Variants in PODXL2 observed in about 807,000 individuals in gnomAD.
PODXL2 encodes the protein podocalyxin like 2, also known as podocalyxin-like protein 2.
In PODXL2, 17 loss-of-function variants were observed where a neutral mutation model predicts 53.4. That is an observed-to-expected ratio of 0.32 (90% CI 0.22 to 0.48). The LOEUF (loss-of-function observed/expected upper bound fraction) is 0.48, where lower values mean the gene tolerates loss of function less well. Among genes scored for constraint, PODXL2 ranks in the 20% least tolerant of loss-of-function variants. The pLI, the probability that PODXL2 is intolerant of heterozygous loss-of-function variation, is 0.99. For synonymous variants in PODXL2, 311 were observed against 306.7 expected, an observed-to-expected ratio of 1.01 and a Z score of -0.15; for missense variants, 673 against 760.0, an observed-to-expected ratio of 0.89 and a Z score of 1.35.
intron 1 of PODXL2, among the ~76,000 whole-genome samples, chr3:127,635,494 C>G (rs949414793): frequency 6.6e-6 from 1 of 152,202 alleles, no homozygotes; most frequent in African/African-American, 2.4e-5. Context: ...CATTCAAACA[C>G]TACTCTGATC....
rs759960627 is a variant in PODXL2 at position 127,672,532 on chromosome 3, C to T, written c.*52C>T. On this transcript the variant is annotated 3_prime_UTR_variant, in exon 8 of 8. Transcript: ENST00000342480. The stretch of plus-strand genomic sequence containing the variant: ...GCCGCCAGGACCAAGCGAGGTGGAC[C>T]CCGAAACGGACGGCCCGGAGCCCGC... 9 of 1,225,926 alleles carry T rather than the reference C, an allele frequency of 7.3e-6. No individual in the cohort carries two copies. Among genetic ancestry groups the T allele is most frequent in the African/African-American group, 4.8e-5 (3 of 62,582 alleles). The allele number at this position is 1,225,926 out of a possible 1,614,324, so 75.9% of individuals were successfully genotyped here. A position where few individuals can be genotyped will look rare whatever the true frequency, so the allele number is the denominator to read the frequency against.
At position 127,672,327 on chromosome 3, in the gene PODXL2, C is replaced by T. The variant is rs1428692310; in HGVS notation, c.1665C>T (p.Asp555=). 7.7e-6 allele frequency: 12 copies of T among 1,550,048 alleles called. No homozygotes were observed. Among genetic ancestry groups the T allele is most frequent in the Admixed American group, 1.9e-5 (1 of 51,456 alleles). The change falls in exon 8 of 8, where the codon GAC becomes GAT. Residue 555 remains aspartate (D), a synonymous_variant. Transcript: ENST00000342480. The part of the protein sequence containing the change: ...ENGCHDNPTL[D]VASDSQSEMQ... ...GCTGCCACGACAACCCCACGCTGGA[C>T]GTGGCCAGCGACAGCCAGTCGGAGA...
At chr3:127,641,061 G>A (rs1445485694) in intron 2 of PODXL2, among the ~76,000 whole-genome samples, 1 of 151,956 alleles carries the variant, frequency 6.6e-6, no homozygotes, top group Non-Finnish European at 1.5e-5. Flanking sequence ...ACAGGCATGC[G>A]CCATCACACC....
rs1286342568 is a variant in PODXL2 at position 127,643,878 on chromosome 3, A to G, written c.349+4355A>G. 6.6e-5 allele frequency among the ~76,000 whole-genome samples: 10 copies of G among 152,132 alleles called. No individual in the cohort carries two copies. The East Asian group carries it at 1.5e-3, about 24-fold the overall frequency. ...GGTCTTGAACTCCTGGGCTCAAGCA[A>G]TCCACCTGCCTCAGCCTCCCAAAGT... On this transcript the variant is annotated intron_variant, in intron 2 of 7. Transcript: ENST00000342480.
intron 2 of PODXL2, among the ~76,000 whole-genome samples, chr3:127,647,461 T>C (rs1287629666): frequency 6.6e-6 from 1 of 152,192 alleles, no homozygotes; most frequent in Non-Finnish European, 1.5e-5. Context: ...AGTGAGCAAA[T>C]TAAAGTGTTC....
In PODXL2 at chr3:127,639,889, T is replaced by A. The variant is rs890614078; in HGVS notation, c.349+366T>A. Among the ~76,000 whole-genome samples the A allele has an allele frequency of 1.2e-4, 18 of 152,348 alleles. 1 individual carries two copies. In the South Asian group the frequency reaches 1.4e-3, roughly 12 times the overall value. Reference sequence around the variant, plus strand: ...AAACAGCAGCTCAGATGCTCAGTCATGATTCAGACCTATGGCTTTCCAAGC... The same window carrying A: ...AAACAGCAGCTCAGATGCTCAGTCAAGATTCAGACCTATGGCTTTCCAAGC... On this transcript the variant is annotated intron_variant, in intron 2 of 7. Transcript: ENST00000342480.
intron 2 of PODXL2, among the ~76,000 whole-genome samples, chr3:127,653,311 C>A (rs2074700926): frequency 6.6e-6 from 1 of 152,194 alleles, no homozygotes; most frequent in Non-Finnish European, 1.5e-5. Flanking sequence ...GTTTCTATTC[C>A]CCTCTTGACA....
Position 127,672,327 on chromosome 3 carries a change from C to A in PODXL2, c.1665C>A (p.Asp555Glu), listed in dbSNP as rs1428692310. 1.3e-6 allele frequency: 2 copies of A among 1,549,930 alleles called. No individual in the cohort carries two copies. Among genetic ancestry groups the A allele is most frequent in the African/African-American group, 1.4e-5 (1 of 73,190 alleles). The change falls in exon 8 of 8, where the codon GAC becomes GAA. Residue 555 changes from aspartate to glutamate, a missense_variant. Around this residue, in one of 3 missense-constraint regions of PODXL2, gnomAD observed 6 missense variants for 21.1 expected, o/e 0.28. Coordinates refer to ENST00000342480, the MANE Select transcript of PODXL2 (RefSeq NM_015720.4). ...ENGCHDNPTL[D>E]VASDSQSEMQ... is the part of the protein sequence containing the mutation. ...GCTGCCACGACAACCCCACGCTGGA[C>A]GTGGCCAGCGACAGCCAGTCGGAGA...
rs1204932584 is a variant in PODXL2, at chr3:127,650,355, G to A, written c.350-10023G>A. Among the ~76,000 whole-genome samples the A allele has an allele frequency of 2.6e-5, 4 of 152,146 alleles. No homozygotes were observed. The South Asian group carries it at 6.2e-4, about 24-fold the overall frequency. On this transcript the variant is annotated intron_variant, in intron 2 of 7. Transcript: ENST00000342480. ...TAGGGAACAAAGCCAGCACCATAAT[G>A]AGTTTAAAAGAAAGCGGAGAAATAA...
At chr3:127,652,975 C>T (rs1378780137) in intron 2 of PODXL2, among the ~76,000 whole-genome samples, 1 of 152,128 alleles carries the variant, frequency 6.6e-6, no homozygotes, top group African/African-American at 2.4e-5. Context: ...CCCCTCTCTC[C>T]TCCCTCTCCT....
chr3:127,650,671 T>C (rs938106825), intron 2 of PODXL2, among the ~76,000 whole-genome samples: 1 of 152,122 alleles, frequency 6.6e-6, no homozygotes, highest in Admixed American at 6.5e-5. Flanking sequence ...TTGTTGTCGT[T>C]GTTGTGACGG....
At position 127,672,477 on chromosome 3, in the gene PODXL2, G is replaced by A; in HGVS notation, c.1815G>A (p.Leu605=). 1 of 1,501,900 alleles carries A rather than the reference G, an allele frequency of 6.7e-7. No individual in the cohort carries two copies. Among genetic ancestry groups the A allele is most frequent in the Non-Finnish European group, 8.9e-7 (1 of 1,126,810 alleles). 93.0% of individuals were successfully genotyped at this position (1,501,900 alleles called of 1,614,324 possible). A position where few individuals can be genotyped will look rare whatever the true frequency, so the allele number is the denominator to read the frequency against. Residue 605 remains leucine (L), a synonymous_variant, in exon 8 of 8, where the codon CTG becomes CTA. Coordinates refer to ENST00000342480, the MANE Select transcript of PODXL2 (RefSeq NM_015720.4). ...ACGTGTTCGAGGAGGACACGCACCT[G>A]TGAGCGCAGCCGAGGCGCAGGCCGA... The part of the protein sequence containing the change: ...DSDVFEEDTH[L]
chr3:127,642,213 C>T (rs1250290252), intron 2 of PODXL2, among the ~76,000 whole-genome samples: 1 of 150,266 alleles, frequency 6.7e-6, no homozygotes, highest in Non-Finnish European at 1.5e-5. Flanking sequence ...TTGCTTGAAC[C>T]TGGGAGGTGG....
At chr3:127,649,763 C>T (rs2074677545) in intron 2 of PODXL2, among the ~76,000 whole-genome samples, 6 of 152,120 alleles carry the variant, frequency 3.9e-5, no homozygotes, top group Admixed American at 2.6e-4. Context: ...ATGGTGAAAC[C>T]CCGTCTCTAC....
chr3:127,633,951 G>A (rs2074562754), intron 1 of PODXL2, among the ~76,000 whole-genome samples: 1 of 151,812 alleles, frequency 6.6e-6, no homozygotes. Context: ...GACCCAGAAG[G>A]CAAAAGAGGC....
intron 4 of PODXL2, among the ~76,000 whole-genome samples, chr3:127,666,177 T>C (rs1031044253): frequency 6.6e-6 from 1 of 152,228 alleles, no homozygotes; most frequent in African/African-American, 2.4e-5. Context: ...CTGTAGTCCA[T>C]CTGGAATTAG....
chr3:127,671,607 G>A lies in PODXL2; in HGVS notation c.1599G>A (p.Lys533=), dbSNP rs770896436. 6.2e-7 allele frequency: 1 copy of A among 1,613,242 alleles called. No individual in the cohort carries two copies. Among genetic ancestry groups the A allele is most frequent in the Non-Finnish European group, 8.5e-7 (1 of 1,179,988 alleles). Residue 533 remains lysine (K), a synonymous_variant, in exon 7 of 8, where the codon AAG becomes AAA. Coordinates refer to ENST00000342480, the MANE Select transcript of PODXL2 (RefSeq NM_015720.4). The stretch of plus-strand genomic sequence containing the variant: ...GGCAGCGCCGGCTGCCCAAGCTCAA[G>A]CACGTGGTGAGTGTGGGGACAGGTG... The part of the protein sequence containing the change: ...NCWQRRLPKL[K]HVSHGEELRF...
chr3:127,629,285 TG>T lies in PODXL2; in HGVS notation c.70+1del, dbSNP rs1352274953. 4 of 1,012,122 alleles carry T rather than the reference TG, an allele frequency of 4.0e-6. No individual in the cohort carries two copies. Among genetic ancestry groups the T allele is most frequent in the East Asian group, 9.3e-5 (1 of 10,744 alleles). 62.7% of individuals were successfully genotyped at this position (1,012,122 alleles called of 1,614,324 possible). On this transcript the variant is annotated frameshift_variant, in exon 1 of 8. Coordinates refer to ENST00000342480, the MANE Select transcript of PODXL2 (RefSeq NM_015720.4). LOFTEE classifies it high-confidence loss of function. This position sits in a 1 kb window ranked among gnomAD's most constrained non-coding sequence, Gnocchi z 6.4. ...TTTCGCCGCTGCTGCTTCTGCTGGT[TG>T]GGGGTGAGTGCGCTCCGGGCCCGAG... is the stretch of plus-strand genomic sequence containing the variant. ...LLSPLLLLLV[G>X]GAFLGACVAG...
At position 127,632,857 on chromosome 3, in the gene PODXL2, T is replaced by G. The variant is rs902571477; in HGVS notation, c.70+3568T>G. 1.1e-4 allele frequency among the ~76,000 whole-genome samples: 17 copies of G among 152,342 alleles called. No individual in the cohort carries two copies. The East Asian group carries it at 2.7e-3, about 24-fold the overall frequency. Reference sequence around the variant, plus strand: ...AGGAGCTCAGGAGTGACTGTATTTTTCTTTGTAATCGAGAGTCTAATAGAA... The same window carrying G: ...AGGAGCTCAGGAGTGACTGTATTTTGCTTTGTAATCGAGAGTCTAATAGAA... On this transcript the variant is annotated intron_variant, in intron 1 of 7. Coordinates refer to ENST00000342480, the MANE Select transcript of PODXL2 (RefSeq NM_015720.4).
Sources: allele counts gnomAD v4.1 joint callset (sites outside exome capture counted in the v4.1 genomes callset), GRCh38; gene constraint gnomAD v4.1.1; regional missense constraint gnomAD v4.1.1; non-coding constraint Gnocchi (gnomAD v3.1); transcripts MANE v1.5; gene names NCBI Gene and HGNC (gene_info 2026-07-23, HGNC 2026-07-21).